The following FBXL17 variants were observed in gnomAD, a reference collection of about 807,000 sequenced individuals.
FBXL17 encodes F-box and leucine rich repeat protein 17.
Under a neutral mutation model 66.2 loss-of-function variants are expected in FBXL17, and 22 were observed. That is an observed-to-expected ratio of 0.33 (90% CI 0.24 to 0.47). FBXL17 has a LOEUF of 0.47. FBXL17 is among the 20% of genes least tolerant of loss of function. The pLI, the probability that FBXL17 is intolerant of heterozygous loss-of-function variation, is 1.00. For synonymous variants in FBXL17, 474 were observed against 400.5 expected (o/e 1.18, Z -2.19); for missense variants, 878 against 948.2 (o/e 0.93, Z 0.97).
intron 7 of FBXL17, among the ~76,000 whole-genome samples, chr5:107,957,583 T>C (rs1751714171): frequency 6.6e-6 from 1 of 152,196 alleles, no homozygotes; most frequent in African/African-American, 2.4e-5. Context: ...ATTGATGACA[T>C]ATGCGTTCTA....
chr5:108,369,953 G>A (rs555229126), intron 1 of FBXL17, among the ~76,000 whole-genome samples: 4 of 152,240 alleles, frequency 2.6e-5, no homozygotes, highest in African/African-American at 9.6e-5. Flanking sequence ...TCCAGTTCAG[G>A]GTTGCAGGTG....
intron 8 of FBXL17, chr5:107,878,124 G>T: frequency 3.7e-6 from 2 of 543,608 alleles, no homozygotes; most frequent in Non-Finnish European, 4.7e-6. Flanking sequence ...TTTTTCCATT[G>T]CAAAGTGTGT....
At position 108,381,783 on chromosome 5, in the gene FBXL17, G is replaced by A. The variant is rs1024743897; in HGVS notation, c.-92C>T. 2.2e-6 allele frequency: 3 copies of A among 1,357,344 alleles called. No individual in the cohort carries two copies. Among genetic ancestry groups the A allele is most frequent in the Non-Finnish European group, 2.8e-6 (3 of 1,059,756 alleles). 84.1% of individuals were successfully genotyped at this position (1,357,344 alleles called of 1,614,324 possible). Reference sequence around the variant, plus strand: ...AGCGGGGCAGGCCGCTCGCTGGCTCGGCCCCCGGAGGGGTCGCCCTTCCTG... The same window carrying A: ...AGCGGGGCAGGCCGCTCGCTGGCTCAGCCCCCGGAGGGGTCGCCCTTCCTG... On this transcript the variant is annotated 5_prime_UTR_variant, in exon 1 of 9. Transcript: ENST00000542267.
intron 6 of FBXL17, among the ~76,000 whole-genome samples, chr5:108,177,932 T>TATATAC (rs1242739302): frequency 3.9e-5 from 5 of 126,890 alleles, no homozygotes; most frequent in African/African-American, 1.1e-4. Flanking sequence ...TATATATATA[T>TATATAC]ACACACACAC....
chr5:108,345,159 G>A (rs370965724), intron 4 of FBXL17, among the ~76,000 whole-genome samples: 12 of 151,078 alleles, frequency 7.9e-5, no homozygotes, highest in South Asian at 2.1e-4. Flanking sequence ...ATGGTGAAAC[G>A]CCATCTCTAC....
At chr5:108,029,278 T>G (rs953269238) in intron 6 of FBXL17, among the ~76,000 whole-genome samples, 1 of 151,972 alleles carries the variant, frequency 6.6e-6, no homozygotes, top group African/African-American at 2.4e-5. Context: ...GCAGAAAAAG[T>G]GTAGGCAGTG....
intron 7 of FBXL17, among the ~76,000 whole-genome samples, chr5:107,958,601 C>T (rs1308833865): frequency 6.6e-6 from 1 of 152,140 alleles, no homozygotes; most frequent in African/African-American, 2.4e-5. Context: ...CTTATGTGCT[C>T]CTCTGTCCTG....
At chr5:107,869,462 A>G (rs766673674) in intron 8 of FBXL17, among the ~76,000 whole-genome samples, 3 of 152,200 alleles carry the variant, frequency 2.0e-5, no homozygotes, top group Admixed American at 6.5e-5. Flanking sequence ...GTAACACCCC[A>G]AATTTGCATG....
At chr5:108,114,401 G>A (rs554861396) in intron 6 of FBXL17, among the ~76,000 whole-genome samples, 11 of 117,342 alleles carry the variant, frequency 9.4e-5, no homozygotes, top group African/African-American at 1.7e-4. Flanking sequence ...CATTTATATT[G>A]AGTGTTATTG....
intron 6 of FBXL17, among the ~76,000 whole-genome samples, chr5:108,053,708 C>A (rs142309191): frequency 3.3e-5 from 5 of 152,148 alleles, no homozygotes; most frequent in African/African-American, 9.7e-5. Flanking sequence ...TATGGCAATT[C>A]CTCAAGGATC....
chr5:108,160,954 T>C (rs1282158572), intron 6 of FBXL17, among the ~76,000 whole-genome samples: 1 of 152,122 alleles, frequency 6.6e-6, no homozygotes, highest in Non-Finnish European at 1.5e-5. Context: ...AAGAACGCTT[T>C]TCTTCACCCT....
chr5:108,178,678 G>A (rs1752887562), intron 6 of FBXL17, among the ~76,000 whole-genome samples: 1 of 152,094 alleles, frequency 6.6e-6, no homozygotes, highest in Non-Finnish European at 1.5e-5. Context: ...ACATTATTAG[G>A]CACCAATAAG....
At chr5:108,297,999 T>G in intron 4 of FBXL17, 10 of 984,324 alleles carry the variant, frequency 1.0e-5, no homozygotes, top group Non-Finnish European at 1.2e-5. Context: ...ATTCTAAATG[T>G]AAGCTACAGT....
intron 7 of FBXL17, among the ~76,000 whole-genome samples, chr5:107,925,640 G>A (rs1750501598): frequency 6.6e-6 from 1 of 152,182 alleles, no homozygotes; most frequent in African/African-American, 2.4e-5. Flanking sequence ...CAATCCTGAG[G>A]TGTGCTTTGC....
At chr5:108,009,298 T>TAGATAGATAGATAGAG in intron 7 of FBXL17, among the ~76,000 whole-genome samples, 1 of 71,414 alleles carries the variant, frequency 1.4e-5, no homozygotes, top group Non-Finnish European at 2.5e-5. Context: ...TATATATATA[T>TAGATAGATAGATAGAG]ATACATATAT....
chr5:108,058,821 G>A (rs80008263), intron 6 of FBXL17, among the ~76,000 whole-genome samples: 170 of 152,276 alleles, frequency 1.1e-3, no homozygotes, highest in African/African-American at 3.9e-3. Context: ...TACAGAAGTT[G>A]CCCCTCAAAG....
chr5:108,239,823 G>C (rs1755774420), intron 4 of FBXL17, among the ~76,000 whole-genome samples: 1 of 151,856 alleles, frequency 6.6e-6, no homozygotes, highest in South Asian at 2.1e-4. Context: ...CTTGAAGAGA[G>C]GGAAGAGTAA....
At chr5:108,068,467 G>A (rs557450751) in intron 6 of FBXL17, among the ~76,000 whole-genome samples, 20 of 147,358 alleles carry the variant, frequency 1.4e-4, no homozygotes, top group African/African-American at 4.2e-4. Flanking sequence ...TTGGGGGGGG[G>A]GCGGGGGGAA....
intron 7 of FBXL17, among the ~76,000 whole-genome samples, chr5:107,883,060 T>C (rs1748842989): frequency 6.6e-6 from 1 of 152,248 alleles, no homozygotes; most frequent in South Asian, 2.1e-4. Flanking sequence ...GAAACTTTTT[T>C]ATTTCTTAAC....
Sources: gnomAD v4.1 joint callset for allele counts (sites outside exome capture counted in the v4.1 genomes callset) on GRCh38, gnomAD v4.1.1 for gene constraint, MANE v1.5 for transcripts, NCBI Gene and HGNC (gene_info 2026-07-23, HGNC 2026-07-21) for gene names.